The following HADH variants were observed in gnomAD, a reference collection of about 807,000 sequenced individuals.
HADH encodes the protein hydroxyacyl-CoA dehydrogenase, also known as hydroxyacyl-coenzyme A dehydrogenase, mitochondrial.
A neutral mutation model predicts 32.2 loss-of-function variants in HADH; 24 were observed. The observed-to-expected ratio is 0.75, with a 90% CI of 0.54 to 1.05. HADH has a LOEUF of 1.05. Among genes scored for constraint, HADH ranks in the 50% least tolerant of loss-of-function variants. The pLI is 0.00. For synonymous variants in HADH, 139 were observed against 152.5 expected, an observed-to-expected ratio of 0.91 and a Z score of 0.65; for missense variants, 350 against 397.1, an observed-to-expected ratio of 0.88 and a Z score of 1.01.
intron 1 of HADH, among the ~76,000 whole-genome samples, chr4:107,996,038 G>A (rs1734948105): frequency 6.6e-6 from 1 of 152,170 alleles, no homozygotes; most frequent in Admixed American, 6.5e-5. Context: ...TGTTGCTGCA[G>A]TTGTTCTTCC....
rs28569296 is a variant in HADH, at chr4:108,032,520, T to A, written c.710-656T>A. 4,379 of 566,802 alleles carry A rather than the reference T, an allele frequency of 7.7e-3. 128 individuals are homozygous for A. The highest frequency in any genetic ancestry group is 0.065 in the African/African-American group (3,534 of 54,284). 35.1% of individuals were successfully genotyped at this position (566,802 alleles called of 1,614,324 possible). ...GCTTAGTTTTCTTTTTAAGAAAGTTTATTTATAAATCAAAAATATGCTGTA... is the reference window on the plus strand; with the variant it reads ...GCTTAGTTTTCTTTTTAAGAAAGTTAATTTATAAATCAAAAATATGCTGTA... On this transcript the variant is annotated intron_variant, in intron 6 of 7. Transcript: ENST00000309522.
intron 1 of HADH, among the ~76,000 whole-genome samples, chr4:107,990,382 A>G (rs1734743620): frequency 6.6e-6 from 1 of 152,168 alleles, no homozygotes; most frequent in African/African-American, 2.4e-5. Context: ...GAGAAGAAAG[A>G]ATTGTATGTG....
intron 7 of HADH, 137 bp from the exon 8 acceptor site, chr4:108,034,102 A>C: frequency 1.3e-6 from 1 of 751,066 alleles, no homozygotes; most frequent in Non-Finnish European, 2.5e-6. Flanking sequence ...GTGCCTCTGC[A>C]GTGGTGGCCG....
chr4:108,008,183 C>G (rs912004552), intron 1 of HADH, among the ~76,000 whole-genome samples: 5 of 152,222 alleles, frequency 3.3e-5, no homozygotes, highest in African/African-American at 1.2e-4. Flanking sequence ...ACTTTGCTGC[C>G]TGCCCGCAGC....
Position 108,027,760 on chromosome 4 carries a change from G to C in HADH, c.709G>C (p.Gly237Arg). The C allele has an allele frequency of 6.3e-7, 1 of 1,585,804 alleles. No homozygotes were observed. The highest frequency in any genetic ancestry group is 1.1e-5 in the South Asian group (1 of 90,534). ...GGAAGCAATCAGGCTGTATGAACGA[G>C]GTATCCTTCTGACCCAGGCCAGGAG... ...LMEAIRLYER[G>R]DASKEDIDTA... Residue 237 changes from glycine (G) to arginine (R), a missense_variant and splice_region_variant, in exon 6 of 8, where the codon GGT becomes CGT. Gly to Arg is a moderately radical substitution (Grantham distance 125). Coordinates refer to ENST00000309522, the MANE Select transcript of HADH (RefSeq NM_005327.7).
intron 6 of HADH, chr4:108,030,999 G>A (rs1736242808): frequency 6.6e-6 from 1 of 152,176 alleles, no homozygotes; most frequent in African/African-American, 2.4e-5. Context: ...CAGTCCTCAA[G>A]TGAGTCTCTG....
chr4:108,034,530 T>C lies in HADH; in HGVS notation c.*173T>C. The C allele has an allele frequency of 3.0e-6, 2 of 656,390 alleles. No homozygotes were observed. Among genetic ancestry groups the C allele is most frequent in the South Asian group, 1.5e-5 (1 of 65,348 alleles). The allele number at this position is 656,390 out of a possible 1,614,324, so 40.7% of individuals were successfully genotyped here. On this transcript the variant is annotated 3_prime_UTR_variant, in exon 8 of 8. Transcript: ENST00000309522. ...ATTATTACACCAGTTACAGCAGTAA[T>C]AGATTCTCCATTAAGAAATAATTCC...
chr4:108,034,887 T>G lies in HADH; in HGVS notation c.*530T>G. ...GGGCATGACATAAGATGTGTCTTTA[T>G]TCAGCTCGTCGTGAAGATGCTGCTG... On this transcript the variant is annotated 3_prime_UTR_variant, in exon 8 of 8. Transcript: ENST00000309522. The G allele has an allele frequency of 4.7e-6, 1 of 213,136 alleles. No individual in the cohort carries two copies. The allele number at this position is 213,136 out of a possible 1,614,324, so 13.2% of individuals were successfully genotyped here.
chr4:108,032,228 G>A (rs191739270), intron 6 of HADH: 2 of 663,974 alleles, frequency 3.0e-6, no homozygotes, highest in African/African-American at 1.8e-5. Context: ...TTCAAAGAAA[G>A]GGAACAGATT....
At chr4:108,027,997 A>AC in intron 6 of HADH, 1 of 595,688 alleles carries the variant, frequency 1.7e-6, no homozygotes, top group Non-Finnish European at 3.0e-6. Flanking sequence ...CACCACCCCC[A>AC]CTACAGTCCC....
At chr4:107,991,150 T>C (rs1406716598) in intron 1 of HADH, among the ~76,000 whole-genome samples, 1 of 151,966 alleles carries the variant, frequency 6.6e-6, no homozygotes, top group Non-Finnish European at 1.5e-5. Context: ...ACTGTAATGC[T>C]TGTACTTTTT....
chr4:108,026,340 G>C (rs1188011769), intron 5 of HADH: 1 of 152,170 alleles, frequency 6.6e-6, no homozygotes, highest in Non-Finnish European at 1.5e-5. Context: ...CGACTGGCCA[G>C]TGAGTTTAAA....
rs887267619 is a variant in HADH, at chr4:108,033,707, A to T, written c.826+415A>T. 1.3e-5 allele frequency among the ~76,000 whole-genome samples: 2 copies of T among 152,250 alleles called. 1 individual carries two copies. Among genetic ancestry groups the T allele is most frequent in the Non-Finnish European group, 2.9e-5 (2 of 68,044 alleles). On this transcript the variant is annotated intron_variant, in intron 7 of 7. Transcript: ENST00000309522. ...GATACACATCCATTTTAAAAAATAT[A>T]TCCATTGTAATGTAAAAGCTCTGAA...
At chr4:108,001,984 T>C (rs944705421) in intron 1 of HADH, among the ~76,000 whole-genome samples, 6 of 152,148 alleles carry the variant, frequency 3.9e-5, no homozygotes, top group African/African-American at 1.4e-4. Context: ...CTCCAAAATT[T>C]ATGTCGAAGC....
chr4:107,989,918 C>T lies in HADH; in HGVS notation c.-15C>T, dbSNP rs1397122927. 5.6e-6 allele frequency: 9 copies of T among 1,610,328 alleles called. No individual in the cohort carries two copies. Among genetic ancestry groups the T allele is most frequent in the Admixed American group, 1.7e-5 (1 of 59,862 alleles). On this transcript the variant is annotated 5_prime_UTR_variant, in exon 1 of 8. Transcript: ENST00000309522. ...CCTGCCCGGGTCTCCTCGCTGTCGC[C>T]GCCGCTGCCACACCATGGCCTTCGT... is the stretch of plus-strand genomic sequence containing the variant.
intron 2 of HADH, 59 bp downstream of exon 2, chr4:108,009,946 G>A: frequency 1.7e-6 from 2 of 1,176,456 alleles, no homozygotes; most frequent in Non-Finnish European, 2.5e-6. Context: ...ACATTTGCAG[G>A]GCAATGGGGG....
At chr4:108,019,388 T>G in intron 3 of HADH, 152 bp from the exon 4 acceptor site, 1 of 740,396 alleles carries the variant, frequency 1.4e-6, no homozygotes, top group Non-Finnish European at 2.5e-6. Context: ...TTCAGCCTCT[T>G]ATATGAAGAT....
intron 1 of HADH, among the ~76,000 whole-genome samples, chr4:107,991,219 G>A (rs1044103494): frequency 6.6e-6 from 1 of 151,716 alleles, no homozygotes; most frequent in Non-Finnish European, 1.5e-5. Flanking sequence ...TCGTATCCTA[G>A]CTGATTATAT....
At chr4:108,019,822 A>G (rs1213429358) in intron 4 of HADH, among the ~76,000 whole-genome samples, 156 bp downstream of exon 4, 3 of 152,160 alleles carry the variant, frequency 2.0e-5, no homozygotes, top group African/African-American at 7.2e-5. Context: ...GAGGGCTTCT[A>G]TGCTTTGTTT....
Sources: allele counts gnomAD v4.1 joint callset (sites outside exome capture counted in the v4.1 genomes callset), GRCh38; gene constraint gnomAD v4.1.1; transcripts MANE v1.5; gene names NCBI Gene and HGNC (gene_info 2026-07-23, HGNC 2026-07-21).